CNTN6: variants seen among roughly 807,000 people sequenced by gnomAD.
CNTN6 encodes the protein contactin 6, also known as contactin-6.
CNTN6 carries 137 observed loss-of-function variants against 122.8 expected under a neutral mutation model. That is an observed-to-expected ratio of 1.12 (90% CI 0.97 to 1.29). The LOEUF is 1.29. Among genes scored for constraint, CNTN6 ranks in the 50% most tolerant of loss-of-function variants. The probability of loss-of-function intolerance (pLI) is 0.00; values close to 1 mark genes in which losing one functional copy is unlikely to be tolerated. For missense variants in CNTN6, 1,634 were observed against 1,223.4 expected (o/e 1.34, Z -5.01); for synonymous variants, 570 against 426.0 (o/e 1.34, Z -4.16).
chr3:1,204,990 G>T (rs759395122), intron 2 of CNTN6, among the ~76,000 whole-genome samples: 1 of 152,136 alleles, frequency 6.6e-6, no homozygotes, highest in Non-Finnish European at 1.5e-5. Flanking sequence ...TGCTAATAAA[G>T]AGATTATTTT....
chr3:1,190,458 T>C (rs1190677308), intron 2 of CNTN6, among the ~76,000 whole-genome samples: 2 of 152,230 alleles, frequency 1.3e-5, no homozygotes, highest in African/African-American at 4.8e-5. Flanking sequence ...TTGCTTTTTG[T>C]ATCATCGTTT....
At chr3:1,119,555 A>T (rs569863277) in intron 1 of CNTN6, among the ~76,000 whole-genome samples, 47 of 152,100 alleles carry the variant, frequency 3.1e-4, no homozygotes, top group African/African-American at 1.1e-3. Flanking sequence ...CTGTTAGGCT[A>T]GTAACAAAAG....
intron 14 of CNTN6, among the ~76,000 whole-genome samples, 198 bp from the exon 15 acceptor site, chr3:1,373,406 C>T (rs539557249): frequency 6.6e-6 from 1 of 152,048 alleles, no homozygotes; most frequent in East Asian, 1.9e-4. Flanking sequence ...TTCTAATCTC[C>T]AGAGGAAGCA....
chr3:1,277,415 A>G (rs1692602680), intron 4 of CNTN6, among the ~76,000 whole-genome samples: 1 of 129,082 alleles, frequency 7.7e-6, no homozygotes, highest in African/African-American at 2.8e-5. Flanking sequence ...GCTGGAGTAC[A>G]GTGGCGCAAT....
intron 5 of CNTN6, among the ~76,000 whole-genome samples, chr3:1,295,144 G>A (rs745347918): frequency 2.6e-5 from 4 of 152,118 alleles, no homozygotes; most frequent in Non-Finnish European, 5.9e-5. Flanking sequence ...AAGGTCTGTG[G>A]TAGACTTCTT....
intron 7 of CNTN6, among the ~76,000 whole-genome samples, chr3:1,310,137 T>C (rs1183573309): frequency 6.6e-6 from 1 of 152,136 alleles, no homozygotes; most frequent in Non-Finnish European, 1.5e-5. Flanking sequence ...TTGCACCAGC[T>C]AGGATTTCCA....
chr3:1,219,069 G>C (rs1222081974), intron 2 of CNTN6, among the ~76,000 whole-genome samples: 1 of 152,078 alleles, frequency 6.6e-6, no homozygotes, highest in Non-Finnish European at 1.5e-5. Context: ...AGAAACCTTG[G>C]ATTCACACCG....
At chr3:1,185,886 A>G (rs556970150) in intron 2 of CNTN6, among the ~76,000 whole-genome samples, 8 of 152,222 alleles carry the variant, frequency 5.3e-5, no homozygotes, top group Non-Finnish European at 1.2e-4. Flanking sequence ...TTAAAAGATC[A>G]TTGTAAATTA....
chr3:1,346,760 A>G (rs1363852442), intron 11 of CNTN6, among the ~76,000 whole-genome samples: 1 of 152,174 alleles, frequency 6.6e-6, no homozygotes. Flanking sequence ...AATATTCCGC[A>G]TTAGTCTCGA....
intron 12 of CNTN6, 133 bp downstream of exon 12, chr3:1,352,584 C>T: frequency 9.7e-7 from 1 of 1,035,306 alleles, no homozygotes. Context: ...TCTAAGAGAT[C>T]CATTCCCGTA....
intron 2 of CNTN6, among the ~76,000 whole-genome samples, chr3:1,181,815 A>C (rs1331959059): frequency 1.3e-5 from 2 of 152,184 alleles, no homozygotes; most frequent in Non-Finnish European, 2.9e-5. Flanking sequence ...CTGATTCTTT[A>C]TAAGGAATCA....
At chr3:1,189,250 T>G (rs528085009) in intron 2 of CNTN6, among the ~76,000 whole-genome samples, 6 of 152,232 alleles carry the variant, frequency 3.9e-5, no homozygotes, top group Admixed American at 1.3e-4. Flanking sequence ...TCCTACAATG[T>G]TTTTGAATAT....
intron 1 of CNTN6, among the ~76,000 whole-genome samples, chr3:1,135,774 C>T (rs1000191293): frequency 1.3e-5 from 2 of 152,092 alleles, no homozygotes; most frequent in African/African-American, 4.8e-5. Flanking sequence ...GAGTGGATCA[C>T]CTGAGGTCAG....
Position 1,119,322 on chromosome 3 carries a change from C to CGTGTGTGTGTGTGTGTGTGTTT in CNTN6, c.-83+26222_-83+26223insTTGTGTGTGTGTGTGTGTGTGT, listed in dbSNP as rs1553600489. Among the ~76,000 whole-genome samples the CGTGTGTGTGTGTGTGTGTGTTT allele has an allele frequency of 9.2e-4, 117 of 126,548 alleles. 1 individual carries two copies. The highest frequency in any genetic ancestry group is 4.0e-3 in the Middle Eastern group (1 of 252). The allele number at this position is 126,548 out of a possible 152,430, so 83.0% of individuals were successfully genotyped here. Reference sequence around the variant, plus strand: ...ATTTGAGAAAGAATAACAGAAAAATCGTGTGTGTGTGTGTGTGTGTGTGTG... The same window carrying CGTGTGTGTGTGTGTGTGTGTTT: ...ATTTGAGAAAGAATAACAGAAAAATCGTGTGTGTGTGTGTGTGTGTTTGTGTGTGTGTGTGTGTGTGTGTGTG... On this transcript the variant is annotated intron_variant, in intron 1 of 22. Coordinates refer to ENST00000446702, the MANE Select transcript of CNTN6 (RefSeq NM_001289080.2).
chr3:1,190,950 T>C (rs2093693206), intron 2 of CNTN6, among the ~76,000 whole-genome samples: 1 of 152,200 alleles, frequency 6.6e-6, no homozygotes, highest in African/African-American at 2.4e-5. Flanking sequence ...TTAAAATATA[T>C]GCTACTTCTA....
intron 7 of CNTN6, among the ~76,000 whole-genome samples, chr3:1,320,970 C>G (rs1700759683): frequency 6.6e-6 from 1 of 151,586 alleles, no homozygotes; most frequent in African/African-American, 2.4e-5. Flanking sequence ...TAACAGGGGA[C>G]AGGCTGCGGT....
intron 2 of CNTN6, among the ~76,000 whole-genome samples, chr3:1,217,721 G>A (rs906821791): frequency 2.1e-4 from 32 of 152,254 alleles, no homozygotes; most frequent in Admixed American, 1.6e-3. Flanking sequence ...AGATTCCTCT[G>A]GTGCCTGCTG....
At chr3:1,281,481 T>C (rs929035415) in intron 5 of CNTN6, among the ~76,000 whole-genome samples, 1 of 115,230 alleles carries the variant, frequency 8.7e-6, no homozygotes, top group Non-Finnish European at 1.9e-5. Flanking sequence ...TTTTTTTTTT[T>C]TGAGACGGAG....
chr3:1,403,279 T>C (rs752939259), intron 22 of CNTN6, 39 bp from the exon 23 acceptor site: 8 of 1,386,214 alleles, frequency 5.8e-6, no homozygotes, highest in South Asian at 1.2e-5. Context: ...GGCAATACTT[T>C]ATCTCAAAAT....
Sources: allele counts gnomAD v4.1 joint callset (sites outside exome capture counted in the v4.1 genomes callset), GRCh38; gene constraint gnomAD v4.1.1; transcripts MANE v1.5; gene names NCBI Gene and HGNC (gene_info 2026-07-23, HGNC 2026-07-21).